Variants in MACROD2 observed in about 807,000 individuals in gnomAD.
The protein encoded by MACROD2 is ADP-ribose glycohydrolase MACROD2.
In MACROD2, 36 loss-of-function variants were observed where a neutral mutation model predicts 70.4. That is an observed-to-expected ratio of 0.51 (90% CI 0.39 to 0.68). The LOEUF (loss-of-function observed/expected upper bound fraction) is 0.68. MACROD2 is among the 30% of genes least tolerant of loss of function. The pLI, the probability that MACROD2 is intolerant of heterozygous loss-of-function variation, is 0.00. For missense variants in MACROD2, 496 were observed against 538.4 expected (o/e 0.92, Z 0.78); for synonymous variants, 172 against 178.8 (o/e 0.96, Z 0.30).
In MACROD2 at chr20:14,930,888, G is replaced by A. The variant is rs2074289724; in HGVS notation, c.418+245929G>A. Among the ~76,000 whole-genome samples the A allele has an allele frequency of 2.1e-5, 3 of 142,236 alleles. No individual in the cohort carries two copies. The South Asian group carries it at 6.8e-4, about 32-fold the overall frequency. The allele number at this position is 142,236 out of a possible 152,430, so 93.3% of individuals were successfully genotyped here. The stretch of plus-strand genomic sequence containing the variant: ...TAAAAAAAAAAAAAAACAAAAGCCA[G>A]GCACAGTGGCTCACATCTGTAGTCC... On this transcript the variant is annotated intron_variant, in intron 5 of 17. Coordinates refer to ENST00000684519, the MANE Select transcript of MACROD2 (RefSeq NM_001351661.2).
At chr20:15,448,997 C>T (rs1268775299) in intron 7 of MACROD2, among the ~76,000 whole-genome samples, 1 of 152,070 alleles carries the variant, frequency 6.6e-6, no homozygotes, top group African/African-American at 2.4e-5. Flanking sequence ...ATCTAATGAT[C>T]ACTGAGATCA....
At chr20:14,676,736 T>TA (rs1285817473) in intron 4 of MACROD2, among the ~76,000 whole-genome samples, 1 of 151,994 alleles carries the variant, frequency 6.6e-6, no homozygotes, top group African/African-American at 2.4e-5. Flanking sequence ...CTGAAGGAGA[T>TA]AGAGTCATGA....
intron 3 of MACROD2, among the ~76,000 whole-genome samples, chr20:14,331,470 T>G (rs948100511): frequency 3.3e-5 from 5 of 152,094 alleles, no homozygotes; most frequent in African/African-American, 1.2e-4. Flanking sequence ...AAGCCTTAAA[T>G]CTCATTAAGT....
chr20:15,733,056 T>G (rs2050968166), intron 8 of MACROD2, among the ~76,000 whole-genome samples: 1 of 152,172 alleles, frequency 6.6e-6, no homozygotes. Context: ...GCAGAGTATG[T>G]TTTTCAAGTC....
At chr20:14,273,705 A>T (rs1447385510) in intron 3 of MACROD2, among the ~76,000 whole-genome samples, 2 of 152,248 alleles carry the variant, frequency 1.3e-5, no homozygotes, top group South Asian at 4.1e-4. Flanking sequence ...TGAATTCAGG[A>T]GCTGGTTTTT....
At chr20:15,468,948 C>G (rs1304385466) in intron 7 of MACROD2, among the ~76,000 whole-genome samples, 1 of 152,152 alleles carries the variant, frequency 6.6e-6, no homozygotes, top group Non-Finnish European at 1.5e-5. Context: ...TTTGCAAGAC[C>G]TCCAAGAATG....
At chr20:14,960,750 T>C (rs1175724464) in intron 5 of MACROD2, among the ~76,000 whole-genome samples, 1 of 152,172 alleles carries the variant, frequency 6.6e-6, no homozygotes, top group Non-Finnish European at 1.5e-5. Context: ...GAAAAGCATC[T>C]TATACATGGA....
intron 3 of MACROD2, among the ~76,000 whole-genome samples, chr20:14,232,066 A>G (rs2081819212): frequency 1.3e-5 from 2 of 152,250 alleles, no homozygotes; most frequent in East Asian, 3.9e-4. Flanking sequence ...AGTAGATTGC[A>G]AAAATTTTCT....
chr20:15,239,184 A>ATT (rs113667803), intron 6 of MACROD2, among the ~76,000 whole-genome samples: 15 of 138,018 alleles, frequency 1.1e-4, no homozygotes, highest in Middle Eastern at 3.9e-3. Flanking sequence ...AAATGTTCAG[A>ATT]TTTTTTTTTT....
intron 3 of MACROD2, among the ~76,000 whole-genome samples, chr20:14,488,293 G>A (rs1008098770): frequency 6.6e-6 from 1 of 152,174 alleles, no homozygotes; most frequent in Non-Finnish European, 1.5e-5. Context: ...GAAAGCCCCA[G>A]ATTGGGTTAC....
At chr20:14,869,073 C>G (rs372420) in intron 5 of MACROD2, among the ~76,000 whole-genome samples, 37,970 of 152,052 alleles carry the variant, frequency 0.25, 5,492 homozygotes, top group Non-Finnish European at 0.33. Flanking sequence ...TTGAGTGGCC[C>G]TTTCTAAGCA....
chr20:14,545,519 G>T (rs1428266704), intron 4 of MACROD2, among the ~76,000 whole-genome samples: 1 of 152,184 alleles, frequency 6.6e-6, no homozygotes. Context: ...TTAATTATGA[G>T]ATGTGGCTTC....
At chr20:14,168,336 G>A (rs1457170874) in intron 3 of MACROD2, among the ~76,000 whole-genome samples, 1 of 152,132 alleles carries the variant, frequency 6.6e-6, no homozygotes, top group African/African-American at 2.4e-5. Flanking sequence ...ATTGGAAGGA[G>A]AAATCTAGAA....
At chr20:15,312,085 C>T (rs1161781316) in intron 6 of MACROD2, among the ~76,000 whole-genome samples, 1 of 152,060 alleles carries the variant, frequency 6.6e-6, no homozygotes, top group East Asian at 1.9e-4. Context: ...GAAAAACATG[C>T]ATCATAGAAA....
At chr20:15,050,340 A>T (rs1054555811) in intron 5 of MACROD2, among the ~76,000 whole-genome samples, 5 of 152,192 alleles carry the variant, frequency 3.3e-5, no homozygotes, top group Non-Finnish European at 7.3e-5. Flanking sequence ...TTATTAAAGA[A>T]TTTTGAAAAG....
At chr20:15,161,145 A>G (rs545069035) in intron 5 of MACROD2, among the ~76,000 whole-genome samples, 1 of 152,106 alleles carries the variant, frequency 6.6e-6, no homozygotes, top group East Asian at 1.9e-4. Flanking sequence ...CAGTTTCTAC[A>G]TATATACAAT....
intron 2 of MACROD2, among the ~76,000 whole-genome samples, chr20:14,048,525 A>G (rs537988454): frequency 6.6e-6 from 1 of 152,326 alleles, no homozygotes; most frequent in African/African-American, 2.4e-5. Flanking sequence ...AAAACTATCT[A>G]TGGGACTATT....
At chr20:14,965,491 C>G (rs1600883288) in intron 5 of MACROD2, among the ~76,000 whole-genome samples, 2 of 107,542 alleles carry the variant, frequency 1.9e-5, no homozygotes, top group Admixed American at 2.8e-4. Flanking sequence ...GACGGAGTCT[C>G]TCTCAGTCCC....
In MACROD2 at chr20:15,967,558, G is replaced by T. The variant is rs1390376620; in HGVS notation, c.913G>T (p.Ala305Ser). ...AVEDCKDEDF[A>S]KDENITKGGE... ...TTTTGCTTGTTTGTTGTTAGATTTTGCAAAGGATGAAAATATTACAAAAGG... is the reference window on the plus strand; with the variant it reads ...TTTTGCTTGTTTGTTGTTAGATTTTTCAAAGGATGAAAATATTACAAAAGG... The change falls in exon 13 of 18, where the codon GCA becomes TCA. Residue 305 changes from alanine (A) to serine (S), a missense_variant. Physicochemically the swap from Ala to Ser is moderately conservative, Grantham distance 99 (BLOSUM62 1). Transcript: ENST00000684519. The T allele has an allele frequency of 9.3e-6, 15 of 1,610,064 alleles. No individual in the cohort carries two copies. Among genetic ancestry groups the T allele is most frequent in the Non-Finnish European group, 1.3e-5 (15 of 1,178,510 alleles).
Sources: gnomAD v4.1 joint callset for allele counts (sites outside exome capture counted in the v4.1 genomes callset) on GRCh38, gnomAD v4.1.1 for gene constraint, MANE v1.5 for transcripts, NCBI Gene and HGNC (gene_info 2026-07-23, HGNC 2026-07-21) for gene names.